PTCHD1: variants seen among roughly 807,000 people sequenced by gnomAD.
The protein encoded by PTCHD1 is patched domain-containing protein 1.
PTCHD1 carries 3 observed loss-of-function variants against 34.6 expected under a neutral mutation model. The observed-to-expected ratio is 0.09, with a 90% confidence interval of 0.04 to 0.22. PTCHD1 has a LOEUF of 0.22. Among genes scored for constraint, PTCHD1 ranks in the 10% least tolerant of loss-of-function variants. The pLI is 1.00. For missense variants in PTCHD1, 504 were observed against 685.5 expected, an observed-to-expected ratio of 0.74 and a Z score of 2.96; for synonymous variants, 305 against 283.1, an observed-to-expected ratio of 1.08 and a Z score of -0.77.
Position 23,393,447 on chromosome X carries a change from G to A in PTCHD1, c.1929G>A (p.Val643=), listed in dbSNP as rs1922890939. The A allele has an allele frequency of 8.3e-6, 10 of 1,209,884 alleles. No homozygotes were observed. The highest frequency in any genetic ancestry group is 1.1e-5 in the Non-Finnish European group (10 of 893,823). ...AATACAATGATGAGGTCGATGTAGTGGCCTCCAGAATGTTTTTGGTGGCCA... is the reference window on the plus strand; with the variant it reads ...AATACAATGATGAGGTCGATGTAGTAGCCTCCAGAATGTTTTTGGTGGCCA... ...SKKYNDEVDV[V]ASRMFLVAKT... The change falls in exon 3 of 3, where the codon GTG becomes GTA. Residue 643 remains valine (V), a synonymous_variant. Transcript: ENST00000379361.
chrX:23,374,342 T>C (rs1922354383), intron 1 of PTCHD1, among the ~76,000 whole-genome samples: 3 of 93,423 alleles, frequency 3.2e-5, no homozygotes, highest in African/African-American at 7.8e-5. Context: ...TATAAGATCC[T>C]CTAAACCCAC....
chrX:23,375,100 A>G (rs1335291552), intron 1 of PTCHD1, among the ~76,000 whole-genome samples: 1 of 111,378 alleles, frequency 9.0e-6, no homozygotes, highest in African/African-American at 3.3e-5. Flanking sequence ...AAAAATCGTT[A>G]AACTCTAAAC....
chrX:23,339,421 G>A (rs773409854), intron 1 of PTCHD1, among the ~76,000 whole-genome samples: 54 of 111,871 alleles, frequency 4.8e-4, no homozygotes, highest in Non-Finnish European at 4.9e-4. Context: ...CGGGAAGGAC[G>A]CATCCTCACA....
chrX:23,381,135 C>G (rs1415478308), intron 2 of PTCHD1, among the ~76,000 whole-genome samples: 1 of 107,392 alleles, frequency 9.3e-6, no homozygotes, highest in East Asian at 2.9e-4. Context: ...AACTTTTTTT[C>G]CTATTCTTAC....
At chrX:23,342,310 A>ATATT (rs1921357058) in intron 1 of PTCHD1, among the ~76,000 whole-genome samples, 10 of 12,899 alleles carry the variant, frequency 7.8e-4, no homozygotes, top group African/African-American at 2.1e-3. Flanking sequence ...ATATATATAT[A>ATATT]TTTTTTTTTT....
rs778807069 is a variant in PTCHD1, at chrX:23,375,903, C to T, written c.352-3688C>T. Among the ~76,000 whole-genome samples the T allele has an allele frequency of 6.2e-5, 7 of 112,129 alleles. No individual in the cohort carries two copies. The East Asian group carries it at 1.1e-3, about 18-fold the overall frequency. On this transcript the variant is annotated intron_variant, in intron 1 of 2. Coordinates refer to ENST00000379361, the MANE Select transcript of PTCHD1 (RefSeq NM_173495.3). ...TGAGAGCAAAGAAGCTAATAATTTA[C>T]GTGATGTGTTCAGAGCCTTAAAACT... is the stretch of plus-strand genomic sequence containing the variant.
intron 1 of PTCHD1, among the ~76,000 whole-genome samples, 166 bp downstream of exon 1, chrX:23,335,392 C>T (rs1921141142): frequency 8.8e-6 from 1 of 113,239 alleles, no homozygotes. Context: ...AGCCTCCCAG[C>T]CTCCTGGACA....
chrX:23,339,819 T>C (rs1469870016), intron 1 of PTCHD1, among the ~76,000 whole-genome samples: 2 of 112,956 alleles, frequency 1.8e-5, no homozygotes, highest in African/African-American at 6.4e-5. Context: ...GAAAGCTATA[T>C]AGCAGAAATT....
intron 1 of PTCHD1, among the ~76,000 whole-genome samples, chrX:23,360,690 G>C (rs1380267771): frequency 9.0e-6 from 1 of 111,104 alleles, no homozygotes; most frequent in Non-Finnish European, 1.9e-5. Context: ...CCTTCTGCTA[G>C]CTTTTGAATG....
chrX:23,345,071 C>T (rs188142651), intron 1 of PTCHD1, among the ~76,000 whole-genome samples: 106 of 111,785 alleles, frequency 9.5e-4, no homozygotes, highest in African/African-American at 3.1e-3. Context: ...TGGAATGTTG[C>T]GAAATTTTGC....
chrX:23,384,755 A>G (rs1922644869), intron 2 of PTCHD1, among the ~76,000 whole-genome samples: 1 of 112,128 alleles, frequency 8.9e-6, no homozygotes. Flanking sequence ...GTCATGAGAA[A>G]ATGAGGGAAA....
At chrX:23,364,318 A>C (rs993277553) in intron 1 of PTCHD1, among the ~76,000 whole-genome samples, 8 of 108,962 alleles carry the variant, frequency 7.3e-5, no homozygotes, top group Non-Finnish European at 1.3e-4. Flanking sequence ...ATATGCACTT[A>C]ACATTTACAC....
At chrX:23,342,804 A>T (rs1921377129) in intron 1 of PTCHD1, among the ~76,000 whole-genome samples, 1 of 111,883 alleles carries the variant, frequency 8.9e-6, no homozygotes, top group Non-Finnish European at 1.9e-5. Context: ...TCCTCTCTTT[A>T]AGGACCAGTT....
intron 1 of PTCHD1, among the ~76,000 whole-genome samples, chrX:23,364,382 ACAC>A (rs1459447137): frequency 3.7e-5 from 3 of 80,138 alleles, no homozygotes; most frequent in Non-Finnish European, 5.5e-5. Context: ...ACACACACAC[ACAC>A]ACACACACAC....
At chrX:23,346,529 C>T (rs751800647) in intron 1 of PTCHD1, among the ~76,000 whole-genome samples, 1 of 111,443 alleles carries the variant, frequency 9.0e-6, no homozygotes, top group Non-Finnish European at 1.9e-5. Flanking sequence ...GAGAGATGGT[C>T]AGAGATGAAT....
At chrX:23,352,598 G>C (rs182493996) in intron 1 of PTCHD1, among the ~76,000 whole-genome samples, 5 of 111,665 alleles carry the variant, frequency 4.5e-5, no homozygotes, top group African/African-American at 9.8e-5. Flanking sequence ...GGCTTAAATA[G>C]AGGTTGGGAT....
At chrX:23,388,698 G>A (rs1922744234) in intron 2 of PTCHD1, among the ~76,000 whole-genome samples, 2 of 112,064 alleles carry the variant, frequency 1.8e-5, no homozygotes, top group Non-Finnish European at 3.8e-5. Context: ...GGGCGTGGTG[G>A]CATGTGCCTG....
At chrX:23,353,342 T>G (rs1185297124) in intron 1 of PTCHD1, among the ~76,000 whole-genome samples, 1 of 112,609 alleles carries the variant, frequency 8.9e-6, no homozygotes, top group African/African-American at 3.2e-5. Context: ...ATCCCAGCGC[T>G]TTGGGCGGCC....
chrX:23,348,810 G>A (rs1293226946), intron 1 of PTCHD1, among the ~76,000 whole-genome samples: 10 of 111,545 alleles, frequency 9.0e-5, no homozygotes, highest in Admixed American at 8.6e-4. Context: ...TTAAGAAAAA[G>A]GAAAATTATA....
Sources: gnomAD v4.1 joint callset for allele counts (sites outside exome capture counted in the v4.1 genomes callset) on GRCh38, gnomAD v4.1.1 for gene constraint, MANE v1.5 for transcripts, NCBI Gene and HGNC (gene_info 2026-07-23, HGNC 2026-07-21) for gene names.